Variants in HRH2 observed in about 807,000 individuals in gnomAD.
HRH2 encodes histamine H2 receptor.
A neutral mutation model predicts 20.1 loss-of-function variants in HRH2; 4 were observed. The observed-to-expected ratio is 0.20, with a 90% CI of 0.10 to 0.45. The LOEUF (loss-of-function observed/expected upper bound fraction) is 0.45, where lower values mean the gene tolerates loss of function less well. Ranked by LOEUF, HRH2 falls within the 20% of genes least tolerant of loss-of-function variation. HRH2 has a pLI of 0.99. For missense variants in HRH2, 250 were observed against 461.6 expected (o/e 0.54, Z 4.20); for synonymous variants, 197 against 200.7 (o/e 0.98, Z 0.16).
At chr5:175,662,859 C>T (rs1023406493) in intron 1 of HRH2, among the ~76,000 whole-genome samples, 3 of 152,224 alleles carry the variant, frequency 2.0e-5, no homozygotes, top group Non-Finnish European at 4.4e-5. Context: ...GGCTCAGCAA[C>T]CACAGGTCTA....
At chr5:175,660,763 G>A (rs1399690260) in intron 1 of HRH2, among the ~76,000 whole-genome samples, 1 of 152,160 alleles carries the variant, frequency 6.6e-6, no homozygotes, top group East Asian at 1.9e-4. Context: ...AATATAGACT[G>A]AATTGCCTCT....
chr5:175,661,413 G>C (rs555172635), intron 1 of HRH2, among the ~76,000 whole-genome samples: 1 of 152,286 alleles, frequency 6.6e-6, no homozygotes, highest in Non-Finnish European at 1.5e-5. Context: ...AATATCTGTT[G>C]TTTGTTGTAT....
chr5:175,678,020 C>T (rs751287603), intron 1 of HRH2, among the ~76,000 whole-genome samples: 5 of 152,258 alleles, frequency 3.3e-5, no homozygotes, highest in Non-Finnish European at 7.3e-5. Flanking sequence ...TTGTTCCCAT[C>T]TGTACCGATC....
intron 1 of HRH2, among the ~76,000 whole-genome samples, chr5:175,668,917 C>T (rs1003308517): frequency 3.3e-5 from 5 of 152,252 alleles, no homozygotes; most frequent in East Asian, 3.9e-4. Context: ...TGCAGAATCA[C>T]GGAACAAAGT....
In HRH2 at chr5:175,687,015, C is replaced by T. The variant is rs1390180477; in HGVS notation, c.1076+2706C>T. On this transcript the variant is annotated intron_variant, in intron 2 of 2. Coordinates refer to ENST00000636584, the MANE Select transcript of HRH2 (RefSeq NM_001367711.1). This position sits in a 1 kb window ranked among gnomAD's most constrained non-coding sequence, Gnocchi z 5.2. ...ACCAGGGCCAGCAGAGAGGTGGTGC[C>T]TCCCAGGGTCATGCATGCAGCCGTG... 6.6e-6 allele frequency among the ~76,000 whole-genome samples: 1 copy of T among 152,116 alleles called. No individual in the cohort carries two copies. The highest frequency in any genetic ancestry group is 1.5e-5 in the Non-Finnish European group (1 of 68,008).
intron 1 of HRH2, among the ~76,000 whole-genome samples, chr5:175,679,683 T>C (rs1393711529): frequency 6.6e-6 from 1 of 151,496 alleles, no homozygotes; most frequent in African/African-American, 2.4e-5. Flanking sequence ...GAAAGGAGAG[T>C]GGTTGAAGTG....
chr5:175,664,744 C>T (rs1334390979), intron 1 of HRH2, among the ~76,000 whole-genome samples: 2 of 152,124 alleles, frequency 1.3e-5, no homozygotes, highest in African/African-American at 4.8e-5. Context: ...AAGCAGTCCT[C>T]CCACCTCAGC....
chr5:175,690,416 G>A (rs543496576), intron 2 of HRH2, among the ~76,000 whole-genome samples: 20 of 152,248 alleles, frequency 1.3e-4, no homozygotes, highest in African/African-American at 3.9e-4. Flanking sequence ...AGGCTTCCAC[G>A]GAAAATCAGA....
chr5:175,690,826 G>A (rs576702418), intron 2 of HRH2, among the ~76,000 whole-genome samples: 13 of 152,318 alleles, frequency 8.5e-5, no homozygotes, highest in Non-Finnish European at 1.6e-4. Context: ...CTCTGGATCT[G>A]CCTGTGTGAC....
At chr5:175,673,244 C>T (rs991946362) in intron 1 of HRH2, among the ~76,000 whole-genome samples, 3 of 151,720 alleles carry the variant, frequency 2.0e-5, no homozygotes, top group African/African-American at 4.8e-5. Context: ...TGTGTGTGTG[C>T]GTGTGTGTAT....
intron 1 of HRH2, among the ~76,000 whole-genome samples, chr5:175,674,778 G>A (rs1172529085): frequency 1.3e-5 from 2 of 152,162 alleles, no homozygotes; most frequent in African/African-American, 2.4e-5. Flanking sequence ...CAAGCTCCTG[G>A]GAAGCTGGGG....
At chr5:175,667,328 C>T (rs551414234) in intron 1 of HRH2, among the ~76,000 whole-genome samples, 8 of 152,052 alleles carry the variant, frequency 5.3e-5, no homozygotes, top group Non-Finnish European at 1.2e-4. Flanking sequence ...CCTGTAATCG[C>T]AGCTACTCAG....
chr5:175,685,427 A>C, intron 2 of HRH2: 1 of 1,551,288 alleles, frequency 6.4e-7, no homozygotes, highest in Non-Finnish European at 8.7e-7. Flanking sequence ...TTTGCCTTCC[A>C]GAATGCTGGT....
intron 1 of HRH2, among the ~76,000 whole-genome samples, chr5:175,679,851 G>T (rs1404476659): frequency 2.6e-5 from 4 of 152,188 alleles, no homozygotes; most frequent in Admixed American, 2.6e-4. Context: ...TGGAAAGACA[G>T]GTTGAAGTCT....
chr5:175,664,165 C>T (rs980198825), intron 1 of HRH2, among the ~76,000 whole-genome samples: 2 of 152,186 alleles, frequency 1.3e-5, no homozygotes, highest in Non-Finnish European at 2.9e-5. Flanking sequence ...GGATTGCAAA[C>T]ACCTCCAGCT....
chr5:175,680,283 G>C (rs1279299328), intron 1 of HRH2, among the ~76,000 whole-genome samples: 1 of 152,202 alleles, frequency 6.6e-6, no homozygotes, highest in East Asian at 1.9e-4. Flanking sequence ...GTACATATTG[G>C]GAATTTTACA....
At chr5:175,694,278 A>G (rs1268117885) in intron 2 of HRH2, among the ~76,000 whole-genome samples, 1 of 152,130 alleles carries the variant, frequency 6.6e-6, no homozygotes, top group African/African-American at 2.4e-5. Flanking sequence ...AGTAGTAAAC[A>G]TGGTGGCTTT....
At position 175,664,917 on chromosome 5, in the gene HRH2, C is replaced by T. The variant is rs1411542742; in HGVS notation, c.-526+6762C>T. Among the ~76,000 whole-genome samples, 9 of 152,186 alleles carry T rather than the reference C, an allele frequency of 5.9e-5. No homozygotes were observed. In the South Asian group the frequency reaches 1.9e-3, roughly 31 times the overall value. On this transcript the variant is annotated intron_variant, in intron 1 of 2. Transcript: ENST00000636584. The stretch of plus-strand genomic sequence containing the variant: ...CCTCTCAACGTGCTGGGATTACAGG[C>T]GTGAGCCACCGCACACGGCCCGCAC...
intron 2 of HRH2, among the ~76,000 whole-genome samples, chr5:175,700,095 G>A (rs774790272): frequency 7.9e-5 from 12 of 152,140 alleles, no homozygotes; most frequent in South Asian, 2.1e-4. Flanking sequence ...GACAGAACGC[G>A]GAACTCCTGG....
Sources: allele counts gnomAD v4.1 joint callset (sites outside exome capture counted in the v4.1 genomes callset), GRCh38; gene constraint gnomAD v4.1.1; non-coding constraint Gnocchi (gnomAD v3.1); transcripts MANE v1.5; gene names NCBI Gene and HGNC (gene_info 2026-07-23, HGNC 2026-07-21).